The following MAST4 variants were observed in gnomAD, a reference collection of about 807,000 sequenced individuals.
MAST4 encodes microtubule-associated serine/threonine-protein kinase 4.
A neutral mutation model predicts 162.7 loss-of-function variants in MAST4; 89 were observed. The observed-to-expected ratio is 0.55, with a 90% CI of 0.46 to 0.65. The LOEUF is 0.65. Ranked by LOEUF, MAST4 falls within the 30% of genes least tolerant of loss-of-function variation. The pLI, the probability that MAST4 is intolerant of heterozygous loss-of-function variation, is 0.00. For missense variants in MAST4, 3,153 were observed against 3,374.0 expected (o/e 0.93, Z 1.62); for synonymous variants, 1,479 against 1,361.1 (o/e 1.09, Z -1.91).
At chr5:66,714,970 C>G (rs1482838292) in intron 1 of MAST4, among the ~76,000 whole-genome samples, 1 of 152,208 alleles carries the variant, frequency 6.6e-6, no homozygotes, top group Admixed American at 6.5e-5. Context: ...CTCTGGCAGA[C>G]TGGTCTTTGA....
intron 1 of MAST4, among the ~76,000 whole-genome samples, chr5:66,618,033 T>TGGGGGGGGGGGGGGGGGG (rs66792189): frequency 7.0e-6 from 1 of 143,672 alleles, no homozygotes; most frequent in Admixed American, 6.9e-5. Flanking sequence ...CTGGGAGGAA[T>TGGGGGGGGGGGGGGGGGG]GGGGGGGGGG....
chr5:66,932,526 G>A (rs1026524125), intron 4 of MAST4, among the ~76,000 whole-genome samples: 9 of 152,164 alleles, frequency 5.9e-5, no homozygotes, highest in African/African-American at 2.2e-4. Context: ...AGATAAACAC[G>A]TGTTGAAATT....
chr5:66,876,259 G>A (rs1485259601), intron 3 of MAST4, among the ~76,000 whole-genome samples: 7 of 152,196 alleles, frequency 4.6e-5, no homozygotes, highest in Non-Finnish European at 1.0e-4. Flanking sequence ...ATTTTTGAGT[G>A]GAGGGAGATC....
Position 67,164,798 on chromosome 5 carries a change from G to A in MAST4, c.5619G>A (p.Glu1873=), listed in dbSNP as rs994408114. Residue 1873 remains glutamate (E), a synonymous_variant, in exon 29 of 29, where the codon GAG becomes GAA. Coordinates refer to ENST00000403625, the MANE Select transcript of MAST4 (RefSeq NM_001164664.2). The surrounding 1 kb of genome is among the most constrained non-coding windows in gnomAD (Gnocchi z 5.3). ...AGATGAATAAATCCTACCTGCTGGAGCCTTGGTTCCTGCCCCCCAGCCGAG... is the reference window on the plus strand; with the variant it reads ...AGATGAATAAATCCTACCTGCTGGAACCTTGGTTCCTGCCCCCCAGCCGAG... ...SLKMNKSYLL[E]PWFLPPSRGL... The A allele has an allele frequency of 3.1e-6, 5 of 1,613,974 alleles. No homozygotes were observed. Among genetic ancestry groups the A allele is most frequent in the Non-Finnish European group, 4.2e-6 (5 of 1,179,882 alleles).
chr5:67,029,609 T>G (rs1039109173), intron 4 of MAST4, among the ~76,000 whole-genome samples: 8 of 152,148 alleles, frequency 5.3e-5, no homozygotes, highest in African/African-American at 1.7e-4. Context: ...TGCAAAATTC[T>G]ATGGCAAGGT....
chr5:66,668,286 T>A (rs1287508846), intron 1 of MAST4, among the ~76,000 whole-genome samples: 1 of 152,242 alleles, frequency 6.6e-6, no homozygotes, highest in Non-Finnish European at 1.5e-5. Context: ...CCGAGAGTCT[T>A]GTTTACAGCC....
At chr5:66,872,614 T>C (rs147142317) in intron 3 of MAST4, among the ~76,000 whole-genome samples, 3 of 152,322 alleles carry the variant, frequency 2.0e-5, no homozygotes, top group Non-Finnish European at 4.4e-5. Flanking sequence ...TCACTTTAGC[T>C]CAGTAGCATC....
intron 1 of MAST4, among the ~76,000 whole-genome samples, chr5:66,632,106 A>G (rs558198401): frequency 6.6e-6 from 1 of 152,276 alleles, no homozygotes; most frequent in South Asian, 2.1e-4. Flanking sequence ...CTTAAAATCT[A>G]GGTGTCATGG....
chr5:66,899,123 G>C (rs1435450935), intron 3 of MAST4, among the ~76,000 whole-genome samples: 1 of 152,196 alleles, frequency 6.6e-6, no homozygotes, highest in African/African-American at 2.4e-5. Flanking sequence ...ATTGCTTCCT[G>C]TTCTTTAATA....
intron 4 of MAST4, among the ~76,000 whole-genome samples, chr5:66,994,593 T>C (rs1750420565): frequency 6.6e-6 from 1 of 152,216 alleles, no homozygotes; most frequent in Admixed American, 6.5e-5. Flanking sequence ...AACTTTAATA[T>C]GGTTGTCTTC....
Position 67,014,061 on chromosome 5 carries a change from G to A in MAST4, c.675-40343G>A, listed in dbSNP as rs573450917. On this transcript the variant is annotated intron_variant, in intron 4 of 28. Coordinates refer to ENST00000403625, the MANE Select transcript of MAST4 (RefSeq NM_001164664.2). ...TTTCCAAATAGATTACCTAGATCAG[G>A]AACTAAGTACTGGAGCTACTGAAGC... is the stretch of plus-strand genomic sequence containing the variant. Among the ~76,000 whole-genome samples, 36 of 151,698 alleles carry A rather than the reference G, an allele frequency of 2.4e-4. No homozygotes were observed. The South Asian group carries it at 7.5e-3, about 32-fold the overall frequency.
intron 1 of MAST4, among the ~76,000 whole-genome samples, chr5:66,707,682 A>G (rs1223329567): frequency 6.6e-6 from 1 of 152,136 alleles, no homozygotes; most frequent in Non-Finnish European, 1.5e-5. Context: ...TAAAGACCCT[A>G]TCTCCAAATA....
chr5:66,775,827 T>A (rs1033363965), intron 2 of MAST4, among the ~76,000 whole-genome samples: 1 of 152,136 alleles, frequency 6.6e-6, no homozygotes, highest in African/African-American at 2.4e-5. Flanking sequence ...CTGGGGGAGA[T>A]GTACTCTGTA....
rs573238989 is a variant in MAST4, at chr5:66,635,763, C to T, written c.363+38745C>T. On this transcript the variant is annotated intron_variant, in intron 1 of 28. Coordinates refer to ENST00000403625, the MANE Select transcript of MAST4 (RefSeq NM_001164664.2). Reference sequence around the variant, plus strand: ...CATGATCTTGGCTCACTGCAACCTCCGCCAAGATTGGGGATTCTTAACATG... The same window carrying T: ...CATGATCTTGGCTCACTGCAACCTCTGCCAAGATTGGGGATTCTTAACATG... Among the ~76,000 whole-genome samples the T allele has an allele frequency of 6.6e-5, 10 of 151,664 alleles. No individual in the cohort carries two copies. The East Asian group carries it at 1.6e-3, about 24-fold the overall frequency.
Position 67,122,747 on chromosome 5 carries a change from G to A in MAST4, c.1745+1645G>A, listed in dbSNP as rs6875958. Among the ~76,000 whole-genome samples, 839 of 152,226 alleles carry A rather than the reference G, an allele frequency of 5.5e-3. 8 individuals are homozygous for A. The highest frequency in any genetic ancestry group is 0.019 in the African/African-American group (792 of 41,536). On this transcript the variant is annotated intron_variant, in intron 14 of 28. Transcript: ENST00000403625. ...GGCATATATCTTAGCAGTATTTGGA[G>A]TTCTAACTGGTTGAGTAAACTCATT...
At chr5:67,041,214 G>A (rs1031607385) in intron 4 of MAST4, among the ~76,000 whole-genome samples, 4 of 152,184 alleles carry the variant, frequency 2.6e-5, no homozygotes, top group Admixed American at 6.5e-5. Flanking sequence ...GTTGAGTGCA[G>A]TCCCTTGCAT....
intron 1 of MAST4, among the ~76,000 whole-genome samples, chr5:66,723,193 A>G (rs2149541969): frequency 6.6e-6 from 1 of 152,260 alleles, no homozygotes; most frequent in East Asian, 1.9e-4. Context: ...ACCATTTTAA[A>G]TCAGGAATCT....
At chr5:66,951,603 T>C (rs1274693590) in intron 4 of MAST4, among the ~76,000 whole-genome samples, 5 of 62,818 alleles carry the variant, frequency 8.0e-5, no homozygotes, top group Admixed American at 3.3e-4. Context: ...ATGATATGTG[T>C]GTGTGTGTGT....
chr5:66,824,492 T>A (rs192056069), intron 3 of MAST4, among the ~76,000 whole-genome samples: 130 of 152,220 alleles, frequency 8.5e-4, no homozygotes, highest in African/African-American at 2.7e-3. Flanking sequence ...ATTAGGCCAG[T>A]GGAATGGAGT....
Sources: allele counts gnomAD v4.1 joint callset (sites outside exome capture counted in the v4.1 genomes callset), GRCh38; gene constraint gnomAD v4.1.1; non-coding constraint Gnocchi (gnomAD v3.1); transcripts MANE v1.5; gene names NCBI Gene and HGNC (gene_info 2026-07-23, HGNC 2026-07-21).